Variants in ENDOU observed in about 807,000 individuals in gnomAD.
ENDOU encodes uridylate-specific endoribonuclease.
In ENDOU, 49 loss-of-function variants were observed where a neutral mutation model predicts 54.2. That is an observed-to-expected ratio of 0.90 (90% CI 0.72 to 1.15). The LOEUF (loss-of-function observed/expected upper bound fraction) is 1.15, where lower values mean the gene tolerates loss of function less well. Ranked by LOEUF, ENDOU falls within the 50% of genes most tolerant of loss-of-function variation. The pLI is 0.00. For synonymous variants in ENDOU, 172 were observed against 190.5 expected (o/e 0.90, Z 0.80); for missense variants, 458 against 511.4 (o/e 0.90, Z 1.01).
chr12:47,710,574 C>T lies in ENDOU; in HGVS notation c.*228G>A. 1 of 464,404 alleles carries T rather than the reference C, an allele frequency of 2.2e-6. No individual in the cohort carries two copies. Among genetic ancestry groups the T allele is most frequent in the Non-Finnish European group, 4.0e-6 (1 of 251,754 alleles). The allele number at this position is 464,404 out of a possible 1,614,324, so 28.8% of individuals were successfully genotyped here. A position where few individuals can be genotyped will look rare whatever the true frequency, so the allele number is the denominator to read the frequency against. Reference sequence around the variant, plus strand: ...CTCTGCTTGGACTCTGTTTCTTAGTCAACATTGCCAAAATTCTAGAGGATA... The same window carrying T: ...CTCTGCTTGGACTCTGTTTCTTAGTTAACATTGCCAAAATTCTAGAGGATA... On this transcript the variant is annotated 3_prime_UTR_variant, in exon 10 of 10. Transcript: ENST00000422538.
At chr12:47,718,325 G>C in intron 2 of ENDOU, 131 bp from the exon 3 acceptor site, 2 of 687,896 alleles carry the variant, frequency 2.9e-6, no homozygotes, top group South Asian at 1.7e-5. Context: ...ACAGGGGCTG[G>C]GGTCCAATGG....
chr12:47,722,170 A>G (rs540588649), intron 1 of ENDOU, among the ~76,000 whole-genome samples: 2 of 152,312 alleles, frequency 1.3e-5, no homozygotes, highest in East Asian at 1.9e-4. Flanking sequence ...ATACAGGTGT[A>G]GTATCTTAAT....
intron 2 of ENDOU, 130 bp from the exon 3 acceptor site, chr12:47,718,324 G>A: frequency 1.5e-6 from 1 of 687,606 alleles, no homozygotes; most frequent in South Asian, 1.7e-5. Flanking sequence ...AACAGGGGCT[G>A]GGGTCCAATG....
chr12:47,711,037 A>C lies in ENDOU; in HGVS notation c.1116-118T>G, dbSNP rs1456176435. On this transcript the variant is annotated intron_variant, in intron 9 of 9. Transcript: ENST00000422538. The stretch of plus-strand genomic sequence containing the variant: ...CTCCATTCTGCTTAAACAGCCTTAA[A>C]GACAGAGCTGGCACTGCTTTCTTCA... 1.7e-5 allele frequency: 10 copies of C among 589,614 alleles called. No individual in the cohort carries two copies. In the East Asian group the frequency reaches 2.9e-4, roughly 17 times the overall value. The allele number at this position is 589,614 out of a possible 1,614,324, so 36.5% of individuals were successfully genotyped here.
intron 1 of ENDOU, among the ~76,000 whole-genome samples, chr12:47,721,927 G>A (rs1940447317): frequency 6.6e-6 from 1 of 152,246 alleles, no homozygotes; most frequent in Admixed American, 6.5e-5. Flanking sequence ...ATTTGTATCA[G>A]TGAGGAAACT....
chr12:47,715,201 C>G (rs1490294688), intron 6 of ENDOU, among the ~76,000 whole-genome samples: 1 of 152,234 alleles, frequency 6.6e-6, no homozygotes, highest in East Asian at 1.9e-4. Flanking sequence ...CCAGAGTGAG[C>G]TGGGGCAGGT....
chr12:47,711,750 G>A lies in ENDOU; in HGVS notation c.998C>T (p.Ala333Val). 1.2e-6 allele frequency: 2 copies of A among 1,614,198 alleles called. No individual in the cohort carries two copies. The highest frequency in any genetic ancestry group is 1.7e-6 in the Non-Finnish European group (2 of 1,180,036). ...GTAGCCGTCCCAGTTGAACTGCATT[G>A]CCAGCACATCGGGGTAAGAATCCCA... is the stretch of plus-strand genomic sequence containing the variant. ...GPWDSYPDVL[A>V]MQFNWDGYYK... The change falls in exon 9 of 10, where the codon GCA becomes GTA. Residue 333 changes from alanine to valine, a missense_variant. By Grantham distance (64) the Ala-to-Val change is moderately conservative. Coordinates refer to ENST00000422538, the MANE Select transcript of ENDOU (RefSeq NM_001172439.2).
At chr12:47,721,819 T>C (rs1404058575) in intron 1 of ENDOU, among the ~76,000 whole-genome samples, 2 of 152,208 alleles carry the variant, frequency 1.3e-5, no homozygotes, top group East Asian at 3.8e-4. Context: ...CGATTTGAGG[T>C]TCCTGAGGTT....
Position 47,717,056 on chromosome 12 carries a change from C to A in ENDOU, c.385G>T (p.Val129Phe). ...DFESLCSDHE[V>F]SHSSDAITKE... is the part of the protein sequence containing the mutation. ...GTTATGGCATCACTGCTGTGGGAGA[C>A]CTCTGGGAGGAATTGGAAGAGGGGT... Residue 129 changes from valine (V) to phenylalanine (F), a missense_variant and splice_region_variant, in exon 5 of 10, where the codon GTC becomes TTC. Physicochemically the swap from Val to Phe is conservative, Grantham distance 50. Transcript: ENST00000422538. 4 of 1,613,884 alleles carry A rather than the reference C, an allele frequency of 2.5e-6. No homozygotes were observed. The highest frequency in any genetic ancestry group is 3.4e-6 in the Non-Finnish European group (4 of 1,179,928).
chr12:47,712,720 A>G, intron 7 of ENDOU, 98 bp from the exon 8 acceptor site: 1 of 821,206 alleles, frequency 1.2e-6, no homozygotes, highest in Non-Finnish European at 1.9e-6. Flanking sequence ...CCCCTTCTCC[A>G]GTCTCTGACT....
At chr12:47,716,148 CT>C (rs1031536822) in intron 6 of ENDOU, 151 bp downstream of exon 6, 3 of 762,706 alleles carry the variant, frequency 3.9e-6, no homozygotes, top group East Asian at 2.6e-5. Context: ...TGGCTTCCCC[CT>C]GGCCTCATCC....
rs1315849131 is a variant in ENDOU, at chr12:47,713,274, C to T, written c.865+1G>A. On this transcript the variant is annotated splice_donor_variant, in intron 7 of 9. Coordinates refer to ENST00000422538, the MANE Select transcript of ENDOU (RefSeq NM_001172439.2). LOFTEE classifies it high-confidence loss of function. ...TTTCTTTCCAAGAAAAGTGCTCCCA[C>T]CTGAGAAGACATGTTCAAAGCCACT... 6.3e-7 allele frequency: 1 copy of T among 1,597,648 alleles called. No homozygotes were observed. Among genetic ancestry groups the T allele is most frequent in the South Asian group, 1.1e-5 (1 of 90,742 alleles).
chr12:47,713,046 G>T (rs949369286), intron 7 of ENDOU, among the ~76,000 whole-genome samples: 1 of 152,092 alleles, frequency 6.6e-6, no homozygotes, highest in African/African-American at 2.4e-5. Context: ...GGGAGCCCCA[G>T]CATCTGGTCT....
intron 5 of ENDOU, 84 bp downstream of exon 5, chr12:47,716,806 T>G: frequency 1.4e-6 from 2 of 1,415,784 alleles, no homozygotes; most frequent in Non-Finnish European, 2.0e-6. Flanking sequence ...CGTGCCTGAC[T>G]TGAGGATAAA....
intron 6 of ENDOU, among the ~76,000 whole-genome samples, chr12:47,713,802 TCA>T (rs1178740584): frequency 6.7e-6 from 1 of 149,726 alleles, no homozygotes; most frequent in Non-Finnish European, 1.5e-5. Context: ...GTAGCACTGA[TCA>T]GAGAGCTGAA....
intron 2 of ENDOU, 89 bp downstream of exon 2, chr12:47,720,664 G>A: frequency 7.0e-7 from 1 of 1,424,620 alleles, no homozygotes; most frequent in Non-Finnish European, 9.4e-7. Flanking sequence ...GCCCCTGTGA[G>A]TCCTGAACGC....
chr12:47,716,931 G>C lies in ENDOU; in HGVS notation c.510C>G (p.Ser170=), dbSNP rs753557654. 15 of 1,614,196 alleles carry C rather than the reference G, an allele frequency of 9.3e-6. No individual in the cohort carries two copies. The South Asian group carries it at 1.1e-4, about 12-fold the overall frequency. ...CCACTTGGTTTCTGGTCTCTGACGGGGAGATGCAGTTTTGGCTATTGAGAA... is the reference window on the plus strand; with the variant it reads ...CCACTTGGTTTCTGGTCTCTGACGGCGAGATGCAGTTTTGGCTATTGAGAA... ...DIVLNSQNCI[S]PSETRNQVDR... Residue 170 remains serine (S), a synonymous_variant, in exon 5 of 10, where the codon TCC becomes TCG. Coordinates refer to ENST00000422538, the MANE Select transcript of ENDOU (RefSeq NM_001172439.2).
At chr12:47,724,883 C>T (rs1940537264) in intron 1 of ENDOU, among the ~76,000 whole-genome samples, 1 of 152,152 alleles carries the variant, frequency 6.6e-6, no homozygotes, top group Non-Finnish European at 1.5e-5. Context: ...CTTTCAGTTT[C>T]CTCCTAAGCC....
At chr12:47,714,139 A>G (rs190916316) in intron 6 of ENDOU, among the ~76,000 whole-genome samples, 2 of 152,366 alleles carry the variant, frequency 1.3e-5, no homozygotes, top group African/African-American at 2.4e-5. Flanking sequence ...CTCACGTTGA[A>G]TCTTCATATA....
Sources: gnomAD v4.1 joint callset for allele counts (sites outside exome capture counted in the v4.1 genomes callset) on GRCh38, gnomAD v4.1.1 for gene constraint, MANE v1.5 for transcripts, NCBI Gene and HGNC (gene_info 2026-07-23, HGNC 2026-07-21) for gene names.